NLK: variants seen among roughly 807,000 people sequenced by gnomAD.
NLK encodes the protein serine/threonine-protein kinase NLK.
A neutral mutation model predicts 59.0 loss-of-function variants in NLK; 11 were observed. The observed-to-expected ratio is 0.19, with a 90% confidence interval of 0.12 to 0.31. NLK has a LOEUF of 0.31. NLK is among the 10% of genes least tolerant of loss of function. The probability of loss-of-function intolerance (pLI) is 1.00; values close to 1 mark genes in which losing one functional copy is unlikely to be tolerated. For synonymous variants in NLK, 235 were observed against 235.9 expected, an observed-to-expected ratio of 1.00 and a Z score of 0.03; for missense variants, 410 against 661.1, an observed-to-expected ratio of 0.62 and a Z score of 4.16.
intron 1 of NLK, among the ~76,000 whole-genome samples, chr17:28,085,735 A>G (rs1390678319): frequency 6.6e-6 from 1 of 152,056 alleles, no homozygotes; most frequent in African/African-American, 2.4e-5. Context: ...AGCAAGACCC[A>G]GTCTCAAGAA....
intron 3 of NLK, among the ~76,000 whole-genome samples, chr17:28,146,783 G>A (rs1217271060): frequency 6.6e-6 from 1 of 151,952 alleles, no homozygotes; most frequent in African/African-American, 2.4e-5. Context: ...ATCTTTTGAA[G>A]GACAGAGTAC....
At chr17:28,087,012 C>A (rs1306130454) in intron 1 of NLK, among the ~76,000 whole-genome samples, 1 of 151,260 alleles carries the variant, frequency 6.6e-6, no homozygotes, top group Non-Finnish European at 1.5e-5. Flanking sequence ...CACATCACTG[C>A]ACTCCAGCCT....
chr17:28,095,012 CATG>C (rs1229338592), intron 1 of NLK, among the ~76,000 whole-genome samples: 1 of 152,182 alleles, frequency 6.6e-6, no homozygotes, highest in African/African-American at 2.4e-5. Context: ...CTCCAGTTTT[CATG>C]ATATCTAAGT....
chr17:28,150,903 T>A (rs1454075970), intron 3 of NLK, among the ~76,000 whole-genome samples: 1 of 152,170 alleles, frequency 6.6e-6, no homozygotes, highest in Non-Finnish European at 1.5e-5. Context: ...TTAACTTTGG[T>A]CCTATAGTTT....
At chr17:28,094,296 A>G (rs1401591178) in intron 1 of NLK, among the ~76,000 whole-genome samples, 2 of 152,350 alleles carry the variant, frequency 1.3e-5, no homozygotes, top group East Asian at 1.9e-4. Context: ...TTGAGAGATG[A>G]TGTCAGATTG....
chr17:28,188,401 A>G (rs1336023263), intron 8 of NLK, among the ~76,000 whole-genome samples: 4 of 152,184 alleles, frequency 2.6e-5, no homozygotes, highest in African/African-American at 9.7e-5. Flanking sequence ...GAGTTCAATG[A>G]GAACAAGAAA....
intron 1 of NLK, among the ~76,000 whole-genome samples, chr17:28,069,084 C>T (rs954987963): frequency 3.3e-5 from 5 of 152,208 alleles, no homozygotes; most frequent in African/African-American, 9.6e-5. Flanking sequence ...ATCCCCCTCC[C>T]CCTGCCCTAG....
chr17:28,195,575 A>T lies in NLK; in HGVS notation c.*939A>T, dbSNP rs1395698141. On this transcript the variant is annotated 3_prime_UTR_variant, in exon 11 of 11. Transcript: ENST00000407008. ...ACAAATTTAAAAAAAAATTTAAGCC[A>T]CAAAAAAAGGCACATAGGGAATTAT... The T allele has an allele frequency of 4.6e-5, 7 of 152,710 alleles. No homozygotes were observed. The East Asian group carries it at 1.3e-3, about 29-fold the overall frequency. 9.5% of individuals were successfully genotyped at this position (152,710 alleles called of 1,614,324 possible).
chr17:28,150,166 A>G (rs1471842324), intron 3 of NLK, among the ~76,000 whole-genome samples: 9 of 152,234 alleles, frequency 5.9e-5, no homozygotes, highest in Non-Finnish European at 1.0e-4. Context: ...TACAGCAGCT[A>G]TAAAGTAGGT....
intron 1 of NLK, among the ~76,000 whole-genome samples, chr17:28,098,374 G>A (rs1597678781): frequency 6.6e-6 from 1 of 152,072 alleles, no homozygotes; most frequent in Non-Finnish European, 1.5e-5. Flanking sequence ...TAGAAATTAT[G>A]AATTATTTTT....
intron 1 of NLK, among the ~76,000 whole-genome samples, chr17:28,051,643 C>T: frequency 6.6e-6 from 1 of 151,322 alleles, no homozygotes; most frequent in East Asian, 1.9e-4. Context: ...AGTTGTGAGC[C>T]ACTGCGCCCG....
chr17:28,087,242 C>T (rs971312614), intron 1 of NLK, among the ~76,000 whole-genome samples: 5 of 152,046 alleles, frequency 3.3e-5, no homozygotes, highest in Non-Finnish European at 7.4e-5. Flanking sequence ...CAAATATTAT[C>T]TGATTTAATT....
intron 3 of NLK, among the ~76,000 whole-genome samples, chr17:28,153,942 A>G (rs373289028): frequency 3.3e-5 from 5 of 152,268 alleles, no homozygotes; most frequent in East Asian, 1.9e-4. Context: ...GACAGGAACA[A>G]TTTGCTGTCA....
intron 1 of NLK, among the ~76,000 whole-genome samples, chr17:28,120,306 C>G (rs555210998): frequency 1.3e-4 from 19 of 151,168 alleles, no homozygotes; most frequent in Admixed American, 1.2e-3. Flanking sequence ...CAGGGTCTCA[C>G]TGTGTTGCCT....
At chr17:28,127,646 T>C (rs1048696604) in intron 2 of NLK, among the ~76,000 whole-genome samples, 1 of 152,206 alleles carries the variant, frequency 6.6e-6, no homozygotes, top group Non-Finnish European at 1.5e-5. Flanking sequence ...GATTGATAGG[T>C]CTTTTCTTCC....
chr17:28,165,914 T>C, intron 5 of NLK, among the ~76,000 whole-genome samples: 1 of 152,190 alleles, frequency 6.6e-6, no homozygotes, highest in Non-Finnish European at 1.5e-5. Context: ...ATAGAGTTTT[T>C]AAAATATTAT....
intron 1 of NLK, among the ~76,000 whole-genome samples, chr17:28,112,417 G>T (rs117946482): frequency 0.027 from 4,111 of 152,210 alleles, 66 homozygotes; most frequent in Non-Finnish European, 0.04. Context: ...CTTGGGTAGG[G>T]TGTGGCAGGG....
At chr17:28,139,203 C>T (rs988705500) in intron 3 of NLK, among the ~76,000 whole-genome samples, 2 of 152,110 alleles carry the variant, frequency 1.3e-5, no homozygotes, top group African/African-American at 2.4e-5. Flanking sequence ...TTGCAGTGAT[C>T]GTGCCACTGC....
downstream of NLK, among the ~76,000 whole-genome samples, chr17:28,198,289 A>G (rs1186718999): frequency 6.6e-6 from 1 of 152,072 alleles, no homozygotes; most frequent in Non-Finnish European, 1.5e-5. Flanking sequence ...GATGTGAGCC[A>G]TTCACCCAGC....
Sources: gnomAD v4.1 joint callset for allele counts (sites outside exome capture counted in the v4.1 genomes callset) on GRCh38, gnomAD v4.1.1 for gene constraint, MANE v1.5 for transcripts, NCBI Gene and HGNC (gene_info 2026-07-23, HGNC 2026-07-21) for gene names.